Variants in LRRC53 observed in about 807,000 individuals in gnomAD.
LRRC53 encodes leucine rich repeat containing 53, also known as leucine-rich repeat-containing protein 53.
A neutral mutation model predicts 13.6 loss-of-function variants in LRRC53; 25 were observed. That is an observed-to-expected ratio of 1.83 (90% CI 1.34 to 2.56). The LOEUF (loss-of-function observed/expected upper bound fraction) is 2.56, where lower values mean the gene tolerates loss of function less well. Among genes scored for constraint, LRRC53 ranks in the 30% most tolerant of loss-of-function variants. The pLI is 0.00. For synonymous variants in LRRC53, 204 were observed against 109.8 expected, an observed-to-expected ratio of 1.86 and a Z score of -5.37; for missense variants, 527 against 275.8, an observed-to-expected ratio of 1.91 and a Z score of -6.45.
intron 1 of LRRC53, chr1:74,492,058 G>A: frequency 6.9e-7 from 1 of 1,455,732 alleles, no homozygotes. Flanking sequence ...ACACCTGTTG[G>A]AAGTATTAAA....
chr1:74,526,880 A>T, the LRRC53 span, among the ~76,000 whole-genome samples: 1 of 152,186 alleles, frequency 6.6e-6, no homozygotes, highest in Admixed American at 6.5e-5. Flanking sequence ...GTTTCTGTAA[A>T]GTTTTATTGG....
intron 1 of LRRC53, among the ~76,000 whole-genome samples, chr1:74,502,802 A>G (rs1044529300): frequency 6.6e-6 from 1 of 152,322 alleles, no homozygotes; most frequent in East Asian, 1.9e-4. Flanking sequence ...CCCAAACTGA[A>G]CACAACTCCA....
chr1:74,482,474 G>T (rs79050197), intron 2 of LRRC53, among the ~76,000 whole-genome samples: 1 of 152,278 alleles, frequency 6.6e-6, no homozygotes, highest in Non-Finnish European at 1.5e-5. Context: ...ATACTGATTA[G>T]AAACGATATA....
intron 3 of LRRC53, among the ~76,000 whole-genome samples, chr1:74,477,687 A>T (rs143402419): frequency 6.6e-6 from 1 of 152,298 alleles, no homozygotes; most frequent in African/African-American, 2.4e-5. Context: ...TCTTGATACT[A>T]GGTATATATC....
At chr1:74,519,477 G>T in the LRRC53 span, among the ~76,000 whole-genome samples, 4 of 125,100 alleles carry the variant, frequency 3.2e-5, no homozygotes, top group South Asian at 2.5e-4. Context: ...CACAATGGTT[G>T]AACTAGTTTA....
intron 3 of LRRC53, among the ~76,000 whole-genome samples, chr1:74,476,887 T>C (rs1190055205): frequency 2.0e-5 from 3 of 152,176 alleles, no homozygotes; most frequent in African/African-American, 7.2e-5. Context: ...GTTTCTTTTT[T>C]TTCTGTTAAA....
the LRRC53 span, among the ~76,000 whole-genome samples, chr1:74,533,746 G>A: frequency 6.6e-6 from 1 of 152,068 alleles, no homozygotes; most frequent in East Asian, 1.9e-4. Context: ...AAAATGATGA[G>A]TTCATGTCCT....
In LRRC53 at chr1:74,480,667, T is replaced by A. The variant is rs575048752; in HGVS notation, c.390A>T (p.Thr130=). Residue 130 remains threonine (T), a synonymous_variant, in exon 3 of 5, where the codon ACA becomes ACT. Transcript: ENST00000294635. Reference sequence around the variant, plus strand: ...CCAGCTGGAGCCGGGTCAGGCCGCTTGTGTTTCGGAACCAAGACCCTCGTA... The same window carrying A: ...CCAGCTGGAGCCGGGTCAGGCCGCTAGTGTTTCGGAACCAAGACCCTCGTA... ...RTLRGSWFRN[T]SGLTRLQLDG... is the part of the protein sequence containing the mutation. The A allele has an allele frequency of 1.4e-6, 1 of 717,286 alleles. No homozygotes were observed. Among genetic ancestry groups the A allele is most frequent in the Non-Finnish European group, 2.6e-6 (1 of 385,080 alleles). 44.4% of individuals were successfully genotyped at this position (717,286 alleles called of 1,614,324 possible). A position where few individuals can be genotyped will look rare whatever the true frequency, so the allele number is the denominator to read the frequency against.
chr1:74,496,614 A>G (rs985179513), intron 1 of LRRC53, among the ~76,000 whole-genome samples: 7 of 146,712 alleles, frequency 4.8e-5, no homozygotes, highest in African/African-American at 1.5e-4. Flanking sequence ...GTTTCTAATT[A>G]TTATTATTCT....
chr1:74,534,455 C>T, the LRRC53 span, among the ~76,000 whole-genome samples: 3 of 152,130 alleles, frequency 2.0e-5, no homozygotes, highest in Non-Finnish European at 2.9e-5. Flanking sequence ...TGATTCATTG[C>T]TCCAATACCA....
chr1:74,507,017 C>A (rs567974788), intron 1 of LRRC53, among the ~76,000 whole-genome samples: 1 of 152,168 alleles, frequency 6.6e-6, no homozygotes, highest in Non-Finnish European at 1.5e-5. Context: ...TGACAAGGTT[C>A]ATTAAACTAA....
intron 1 of LRRC53, among the ~76,000 whole-genome samples, chr1:74,507,261 G>C (rs1669956046): frequency 7.4e-6 from 1 of 135,056 alleles, no homozygotes; most frequent in African/African-American, 2.7e-5. Flanking sequence ...ATACATAAAG[G>C]ATTCAATTAA....
At chr1:74,505,165 G>A (rs1353786735) in intron 1 of LRRC53, among the ~76,000 whole-genome samples, 6 of 152,152 alleles carry the variant, frequency 3.9e-5, no homozygotes, top group East Asian at 3.9e-4. Context: ...TGGCAGTTGC[G>A]TGTGTGTACA....
chr1:74,474,722 C>T (rs369399833), intron 4 of LRRC53, among the ~76,000 whole-genome samples: 9 of 152,112 alleles, frequency 5.9e-5, no homozygotes, highest in Non-Finnish European at 1.2e-4. Flanking sequence ...GTAGATGTCA[C>T]GGCCAGATTC....
At chr1:74,534,264 T>C in the LRRC53 span, among the ~76,000 whole-genome samples, 34 of 152,272 alleles carry the variant, frequency 2.2e-4, no homozygotes, top group African/African-American at 7.9e-4. Context: ...TCTGTTATAA[T>C]TCACCAAATC....
chr1:74,510,105 A>G (rs534004022), intron 1 of LRRC53, among the ~76,000 whole-genome samples: 1 of 152,208 alleles, frequency 6.6e-6, no homozygotes, highest in East Asian at 1.9e-4. Flanking sequence ...TAAAAGGTAG[A>G]CAGTTCTGAG....
At chr1:74,535,832 G>A in the LRRC53 span, among the ~76,000 whole-genome samples, 10 of 152,098 alleles carry the variant, frequency 6.6e-5, no homozygotes, top group Admixed American at 2.0e-4. Context: ...CTAACCACTC[G>A]TCATCTGGAA....
intron 1 of LRRC53, among the ~76,000 whole-genome samples, chr1:74,511,592 T>G (rs1670227978): frequency 6.6e-6 from 1 of 152,268 alleles, no homozygotes; most frequent in South Asian, 2.1e-4. Context: ...GCAGCTCTTA[T>G]ATATTGAATC....
At chr1:74,512,006 G>A (rs552150535) in intron 1 of LRRC53, among the ~76,000 whole-genome samples, 41 of 152,134 alleles carry the variant, frequency 2.7e-4, no homozygotes, top group East Asian at 5.8e-4. Context: ...AAGGAAAATC[G>A]GAAGGAAGAG....
Sources: allele counts gnomAD v4.1 joint callset (sites outside exome capture counted in the v4.1 genomes callset), GRCh38; gene constraint gnomAD v4.1.1; transcripts MANE v1.5; gene names NCBI Gene and HGNC (gene_info 2026-07-23, HGNC 2026-07-21).